MAD1L1: variants seen among roughly 807,000 people sequenced by gnomAD.
MAD1L1 encodes the protein mitotic arrest deficient 1 like 1.
MAD1L1 carries 95 observed loss-of-function variants against 96.9 expected under a neutral mutation model. That is an observed-to-expected ratio of 0.98 (90% CI 0.83 to 1.16). The LOEUF is 1.16. MAD1L1 is among the 50% of genes most tolerant of loss of function. MAD1L1 has a pLI of 0.00. For synonymous variants in MAD1L1, 473 were observed against 396.6 expected, an observed-to-expected ratio of 1.19 and a Z score of -2.29; for missense variants, 1,007 against 954.4, an observed-to-expected ratio of 1.06 and a Z score of -0.73.
intron 18 of MAD1L1, among the ~76,000 whole-genome samples, chr7:1,874,063 G>A (rs1333147403): frequency 6.6e-6 from 1 of 152,228 alleles, no homozygotes; most frequent in African/African-American, 2.4e-5. Context: ...CCATGCTAGG[G>A]TCGGTGCTTC....
intron 10 of MAD1L1, among the ~76,000 whole-genome samples, chr7:2,178,545 A>G (rs1234527681): frequency 6.6e-6 from 1 of 152,218 alleles, no homozygotes; most frequent in African/African-American, 2.4e-5. Context: ...ATTCACCCAA[A>G]TGTACAGGTA....
chr7:1,895,302 G>A (rs577627815), intron 18 of MAD1L1, among the ~76,000 whole-genome samples: 66 of 152,336 alleles, frequency 4.3e-4, no homozygotes, highest in African/African-American at 1.6e-3. Context: ...ACTTACTCCT[G>A]TGGGTCAGAC....
chr7:1,910,389 G>C (rs1376907374), intron 17 of MAD1L1, among the ~76,000 whole-genome samples: 1 of 152,250 alleles, frequency 6.6e-6, no homozygotes, highest in Non-Finnish European at 1.5e-5. Context: ...GCCAGCAACA[G>C]GACTACAGGG....
intron 16 of MAD1L1, among the ~76,000 whole-genome samples, chr7:1,943,771 C>G (rs1032582097): frequency 6.6e-6 from 1 of 152,062 alleles, no homozygotes; most frequent in Admixed American, 6.6e-5. Flanking sequence ...TACACAGACT[C>G]GTCCGTGAAT....
intron 7 of MAD1L1, 127 bp downstream of exon 7, chr7:2,217,835 C>T (rs1416245036): frequency 2.5e-6 from 2 of 785,438 alleles, no homozygotes; most frequent in Admixed American, 2.0e-5. Context: ...GTGCCCAACA[C>T]ACAGGGCAGC....
rs935916083 is a variant in MAD1L1 at position 1,968,129 on chromosome 7, C to T, written c.1506-10410G>A. ...AGCGTCGCCTGTGCCCTGAGGGATT[C>T]GCTTCCAAGGAAGAGACTGGAGAAA... On this transcript the variant is annotated intron_variant, in intron 15 of 18. Coordinates refer to ENST00000265854, the MANE Select transcript of MAD1L1 (RefSeq NM_001013836.2). This position sits in a 1 kb window ranked among gnomAD's most constrained non-coding sequence, Gnocchi z 5.6. Among the ~76,000 whole-genome samples the T allele has an allele frequency of 3.3e-5, 5 of 152,220 alleles. No individual in the cohort carries two copies. The highest frequency in any genetic ancestry group is 1.2e-4 in the African/African-American group (5 of 41,458).
intron 13 of MAD1L1, among the ~76,000 whole-genome samples, chr7:2,005,378 G>A (rs1356242845): frequency 2.6e-5 from 4 of 152,078 alleles, no homozygotes; most frequent in East Asian, 3.9e-4. Flanking sequence ...TCGCTCTGTC[G>A]TCCGACAGGC....
chr7:1,957,733 A>T lies in MAD1L1; in HGVS notation c.1506-14T>A. On this transcript the variant is annotated splice_polypyrimidine_tract_variant and intron_variant, in intron 15 of 18. Coordinates refer to ENST00000265854, the MANE Select transcript of MAD1L1 (RefSeq NM_001013836.2). ...TCGACCTTCAACCTGCAAGGACAGCAAGACGGTGACCAGGTGTCCGAGGCC... is the reference window on the plus strand; with the variant it reads ...TCGACCTTCAACCTGCAAGGACAGCTAGACGGTGACCAGGTGTCCGAGGCC... 6.2e-7 allele frequency: 1 copy of T among 1,613,630 alleles called. No individual in the cohort carries two copies. Among genetic ancestry groups the T allele is most frequent in the Non-Finnish European group, 8.5e-7 (1 of 1,179,606 alleles).
chr7:2,080,712 A>G (rs1054441928), intron 11 of MAD1L1, among the ~76,000 whole-genome samples: 32 of 152,226 alleles, frequency 2.1e-4, no homozygotes, highest in African/African-American at 7.5e-4. Context: ...TCGGCTGCAC[A>G]GGGCCGTGCA....
Position 1,943,025 on chromosome 7 carries a change from GA to G in MAD1L1, c.1597-6129del, listed in dbSNP as rs1432254383. On this transcript the variant is annotated intron_variant, in intron 16 of 18. Coordinates refer to ENST00000265854, the MANE Select transcript of MAD1L1 (RefSeq NM_001013836.2). ...AAAGGTGTTAAGACCTTTCGATAGG[GA>G]AAAATAGTCTTTTCAACAAATGCTG... Among the ~76,000 whole-genome samples, 4 of 152,306 alleles carry G rather than the reference GA, an allele frequency of 2.6e-5. No individual in the cohort carries two copies. The East Asian group carries it at 7.7e-4, about 29-fold the overall frequency.
At chr7:1,961,920 T>C (rs548962445) in intron 15 of MAD1L1, among the ~76,000 whole-genome samples, 1 of 149,906 alleles carries the variant, frequency 6.7e-6, no homozygotes, top group African/African-American at 2.4e-5. Context: ...GTTTCCCCCA[T>C]ACCATTCTCG....
At chr7:1,869,646 G>A (rs1406971426) in intron 18 of MAD1L1, among the ~76,000 whole-genome samples, 4 of 152,202 alleles carry the variant, frequency 2.6e-5, no homozygotes, top group Admixed American at 6.5e-5. Context: ...TCCAGCTGCC[G>A]AAGGGTAATT....
At chr7:1,868,200 G>GGCCAAGATAACCTTGAGGCAGAACAGGGA (rs761171817) in intron 18 of MAD1L1, among the ~76,000 whole-genome samples, 1 of 152,172 alleles carries the variant, frequency 6.6e-6, no homozygotes, top group Non-Finnish European at 1.5e-5. Context: ...TGGACAATTT[G>GGCCAAGATAACCTTGAGGCAGAACAGGGA]GCCAAGATAA....
intron 14 of MAD1L1, among the ~76,000 whole-genome samples, chr7:1,999,429 G>A (rs1781693691): frequency 6.6e-6 from 1 of 152,038 alleles, no homozygotes; most frequent in Admixed American, 6.6e-5. Flanking sequence ...CGCTCCCCTG[G>A]CAAACCCGCC....
At chr7:2,121,811 C>T (rs528339087) in intron 11 of MAD1L1, among the ~76,000 whole-genome samples, 4 of 152,254 alleles carry the variant, frequency 2.6e-5, no homozygotes, top group South Asian at 4.1e-4. Flanking sequence ...TCCCTCCAGA[C>T]GGTGAGGTGT....
chr7:2,091,140 T>C (rs1033427544), intron 11 of MAD1L1, among the ~76,000 whole-genome samples: 6 of 152,160 alleles, frequency 3.9e-5, no homozygotes, highest in Non-Finnish European at 7.4e-5. Context: ...CCCCATCCTT[T>C]TGGGTTTTCT....
intron 14 of MAD1L1, among the ~76,000 whole-genome samples, chr7:1,986,257 G>A (rs897930919): frequency 6.6e-6 from 1 of 152,178 alleles, no homozygotes; most frequent in Non-Finnish European, 1.5e-5. Context: ...CCACAGATGC[G>A]GCTTCAAGTA....
intron 12 of MAD1L1, among the ~76,000 whole-genome samples, chr7:2,029,279 A>G (rs901886219): frequency 6.6e-6 from 1 of 152,254 alleles, no homozygotes; most frequent in African/African-American, 2.4e-5. Flanking sequence ...CCCATAAGAT[A>G]GAAATGAAAT....
intron 10 of MAD1L1, among the ~76,000 whole-genome samples, chr7:2,153,733 G>A (rs1259195713): frequency 6.6e-6 from 1 of 152,256 alleles, no homozygotes; most frequent in African/African-American, 2.4e-5. Flanking sequence ...GTATCAAAAA[G>A]ATACCTGCAT....
Sources: allele counts gnomAD v4.1 joint callset (sites outside exome capture counted in the v4.1 genomes callset), GRCh38; gene constraint gnomAD v4.1.1; non-coding constraint Gnocchi (gnomAD v3.1); transcripts MANE v1.5; gene names NCBI Gene and HGNC (gene_info 2026-07-23, HGNC 2026-07-21).